PARD3: variants seen among roughly 807,000 people sequenced by gnomAD.
The protein encoded by PARD3 is par-3 family cell polarity regulator.
A neutral mutation model predicts 155.4 loss-of-function variants in PARD3; 75 were observed. The ratio of observed to expected loss-of-function variants is 0.48; its 90% CI spans 0.40 to 0.58. The LOEUF (loss-of-function observed/expected upper bound fraction) is 0.58. Among genes scored for constraint, PARD3 ranks in the 20% least tolerant of loss-of-function variants. The pLI is 0.00. For missense variants in PARD3, 1,642 were observed against 1,721.7 expected, an observed-to-expected ratio of 0.95 and a Z score of 0.82; for synonymous variants, 576 against 610.5, an observed-to-expected ratio of 0.94 and a Z score of 0.83.
chr10:34,434,706 C>T (rs1483745231), intron 5 of PARD3, among the ~76,000 whole-genome samples: 2 of 152,050 alleles, frequency 1.3e-5, no homozygotes, highest in Admixed American at 1.3e-4. Flanking sequence ...AATGAAGATG[C>T]AGAGGGATGA....
intron 20 of PARD3, among the ~76,000 whole-genome samples, chr10:34,294,890 C>T (rs1956835938): frequency 1.3e-5 from 2 of 152,184 alleles, no homozygotes; most frequent in South Asian, 4.2e-4. Flanking sequence ...TGCAGCATGC[C>T]TGTATCCTGG....
chr10:34,695,605 C>T (rs1474193769), intron 2 of PARD3, among the ~76,000 whole-genome samples: 1 of 151,826 alleles, frequency 6.6e-6, no homozygotes, highest in Non-Finnish European at 1.5e-5. Context: ...CTCAAGAGTA[C>T]AGAAAAAAAG....
intron 2 of PARD3, among the ~76,000 whole-genome samples, chr10:34,530,325 A>T (rs1226260360): frequency 6.6e-6 from 1 of 152,176 alleles, no homozygotes; most frequent in Non-Finnish European, 1.5e-5. Context: ...CATATCACAG[A>T]AGGGTCCATA....
intron 2 of PARD3, among the ~76,000 whole-genome samples, chr10:34,620,652 A>C (rs935572381): frequency 2.6e-5 from 4 of 152,234 alleles, no homozygotes; most frequent in African/African-American, 9.6e-5. Context: ...GCATCAGCTT[A>C]AACCTCTCAC....
chr10:34,405,643 T>C, intron 5 of PARD3, among the ~76,000 whole-genome samples: 1 of 152,192 alleles, frequency 6.6e-6, no homozygotes, highest in East Asian at 1.9e-4. Flanking sequence ...AGGAGGGGTC[T>C]AGGATTTTTA....
At chr10:34,119,825 G>C in intron 23 of PARD3, 85 bp from the exon 24 acceptor site, 1 of 1,227,766 alleles carries the variant, frequency 8.1e-7, no homozygotes, top group Non-Finnish European at 1.1e-6. Context: ...CGATTCTTAT[G>C]AATTGACTTT....
intron 21 of PARD3, among the ~76,000 whole-genome samples, chr10:34,279,257 C>T (rs1019732787): frequency 6.8e-6 from 1 of 148,076 alleles, no homozygotes; most frequent in South Asian, 2.1e-4. Flanking sequence ...TGAAGTGATG[C>T]TCTTGCTAAA....
intron 14 of PARD3, among the ~76,000 whole-genome samples, chr10:34,354,305 G>A (rs919333771): frequency 6.6e-6 from 1 of 151,848 alleles, no homozygotes; most frequent in Non-Finnish European, 1.5e-5. Context: ...GTGAACCCGG[G>A]AGGCGGAGCT....
chr10:34,797,328 T>A (rs1338866156), intron 1 of PARD3, among the ~76,000 whole-genome samples: 2 of 152,222 alleles, frequency 1.3e-5, no homozygotes, highest in African/African-American at 4.8e-5. Context: ...TTTATGTTTA[T>A]TCTTTGTAGA....
At chr10:34,763,874 T>C (rs1564594437) in intron 1 of PARD3, among the ~76,000 whole-genome samples, 1 of 152,192 alleles carries the variant, frequency 6.6e-6, no homozygotes. Flanking sequence ...GGCAGCACTT[T>C]CTTTTCAGAA....
At chr10:34,367,476 C>A (rs960404836) in intron 12 of PARD3, among the ~76,000 whole-genome samples, 2 of 151,992 alleles carry the variant, frequency 1.3e-5, no homozygotes, top group African/African-American at 4.8e-5. Context: ...GAGGCAGAGG[C>A]GGGCAGATCA....
intron 2 of PARD3, among the ~76,000 whole-genome samples, chr10:34,550,966 A>G (rs1441249835): frequency 6.6e-6 from 1 of 152,184 alleles, no homozygotes; most frequent in Non-Finnish European, 1.5e-5. Flanking sequence ...CCACTTACGC[A>G]GGTCATTTTA....
chr10:34,489,188 A>G (rs2079702018), intron 3 of PARD3, among the ~76,000 whole-genome samples: 1 of 152,104 alleles, frequency 6.6e-6, no homozygotes, highest in Non-Finnish European at 1.5e-5. Flanking sequence ...AAATACAAAA[A>G]TTAGTTGGGC....
At chr10:34,605,995 TCC>T in intron 2 of PARD3, among the ~76,000 whole-genome samples, 1 of 121,724 alleles carries the variant, frequency 8.2e-6, no homozygotes, top group Non-Finnish European at 1.7e-5. Flanking sequence ...TATATATATC[TCC>T]TATATATATA....
intron 1 of PARD3, among the ~76,000 whole-genome samples, chr10:34,747,274 C>A (rs991774671): frequency 6.6e-6 from 1 of 151,978 alleles, no homozygotes; most frequent in Non-Finnish European, 1.5e-5. Flanking sequence ...GGAGCTGGGG[C>A]GGCAGGGGCT....
chr10:34,765,821 C>T (rs1286047523), intron 1 of PARD3, among the ~76,000 whole-genome samples: 1 of 152,150 alleles, frequency 6.6e-6, no homozygotes, highest in Non-Finnish European at 1.5e-5. Flanking sequence ...GATTGTGAGC[C>T]ACGGAACATT....
intron 2 of PARD3, among the ~76,000 whole-genome samples, chr10:34,629,453 G>A (rs2092150161): frequency 6.6e-6 from 1 of 151,898 alleles, no homozygotes; most frequent in Non-Finnish European, 1.5e-5. Flanking sequence ...GTGTGCATGT[G>A]CACACACACA....
At chr10:34,528,596 G>C (rs924885546) in intron 2 of PARD3, among the ~76,000 whole-genome samples, 1 of 152,128 alleles carries the variant, frequency 6.6e-6, no homozygotes, top group Non-Finnish European at 1.5e-5. Flanking sequence ...AAATTGCTTA[G>C]GATGTTTCCT....
chr10:34,594,317 T>TA (rs1336114804), intron 2 of PARD3, among the ~76,000 whole-genome samples: 2 of 152,212 alleles, frequency 1.3e-5, no homozygotes, highest in African/African-American at 2.4e-5. Context: ...TGACTATTAC[T>TA]TTTAAACTCA....
Sources: allele counts gnomAD v4.1 joint callset (sites outside exome capture counted in the v4.1 genomes callset), GRCh38; gene constraint gnomAD v4.1.1; transcripts MANE v1.5; gene names NCBI Gene and HGNC (gene_info 2026-07-23, HGNC 2026-07-21).